Variants in CPA6 observed in about 807,000 individuals in gnomAD.
CPA6 encodes the protein carboxypeptidase A6.
CPA6 carries 58 observed loss-of-function variants against 63.3 expected under a neutral mutation model. The observed-to-expected ratio is 0.92, with a 90% CI of 0.74 to 1.14. CPA6 has a LOEUF of 1.14. Among genes scored for constraint, CPA6 ranks in the 50% most tolerant of loss-of-function variants. The probability of loss-of-function intolerance (pLI) is 0.00; values close to 1 mark genes in which losing one functional copy is unlikely to be tolerated. For synonymous variants in CPA6, 185 were observed against 179.0 expected (o/e 1.03, Z -0.27); for missense variants, 565 against 526.6 (o/e 1.07, Z -0.71).
intron 2 of CPA6, among the ~76,000 whole-genome samples, chr8:67,529,747 T>C (rs1197064923): frequency 6.6e-6 from 1 of 151,726 alleles, no homozygotes; most frequent in African/African-American, 2.4e-5. Context: ...TTGGAGAAAA[T>C]ACCTCCCCTC....
intron 8 of CPA6, among the ~76,000 whole-genome samples, chr8:67,458,075 A>T (rs947478953): frequency 6.6e-6 from 1 of 152,144 alleles, no homozygotes; most frequent in East Asian, 1.9e-4. Context: ...CTAGACACAG[A>T]GCCTACACCC....
At chr8:67,471,508 T>C (rs1279659319) in intron 8 of CPA6, among the ~76,000 whole-genome samples, 1 of 152,080 alleles carries the variant, frequency 6.6e-6, no homozygotes, top group South Asian at 2.1e-4. Flanking sequence ...CTAACATTAG[T>C]GTTGTTTTTT....
At chr8:67,587,290 C>G (rs1421271178) in intron 2 of CPA6, among the ~76,000 whole-genome samples, 2 of 152,086 alleles carry the variant, frequency 1.3e-5, no homozygotes, top group African/African-American at 4.8e-5. Context: ...AATTGACACT[C>G]CTGATGTGAG....
In CPA6 at chr8:67,633,448, A is replaced by G. The variant is rs1340309082; in HGVS notation, c.117-9197T>C. 3.3e-5 allele frequency among the ~76,000 whole-genome samples: 5 copies of G among 152,134 alleles called. No homozygotes were observed. The East Asian group carries it at 9.6e-4, about 29-fold the overall frequency. On this transcript the variant is annotated intron_variant, in intron 1 of 10. Coordinates refer to ENST00000297770, the MANE Select transcript of CPA6 (RefSeq NM_020361.5). ...TGTAATCCCAGCACTTTGGGAGGCC[A>G]AGGCGGGTGGATCACGAGGTCAGGA...
chr8:67,443,696 C>T (rs924377551), intron 8 of CPA6, among the ~76,000 whole-genome samples: 3 of 152,094 alleles, frequency 2.0e-5, no homozygotes, highest in Non-Finnish European at 2.9e-5. Context: ...AGGATTTTAA[C>T]GCATGGTCAA....
At chr8:67,453,198 T>C (rs910003431) in intron 8 of CPA6, among the ~76,000 whole-genome samples, 1 of 152,116 alleles carries the variant, frequency 6.6e-6, no homozygotes, top group Non-Finnish European at 1.5e-5. Context: ...GAGATGATGG[T>C]AACTTAGACT....
chr8:67,654,543 A>C (rs1815936530), intron 1 of CPA6, among the ~76,000 whole-genome samples: 1 of 152,126 alleles, frequency 6.6e-6, no homozygotes, highest in East Asian at 1.9e-4. Context: ...AGGTGTTTGT[A>C]GTATTCTCTG....
At chr8:67,694,699 G>C (rs1390813620) in intron 1 of CPA6, among the ~76,000 whole-genome samples, 1 of 152,124 alleles carries the variant, frequency 6.6e-6, no homozygotes, top group Admixed American at 6.5e-5. Flanking sequence ...AGAAGACTAG[G>C]GCCTGGTTTC....
chr8:67,511,506 G>C, intron 4 of CPA6, 35 bp downstream of exon 4: 2 of 1,201,466 alleles, frequency 1.7e-6, no homozygotes, highest in East Asian at 4.7e-5. Context: ...AGATGACTCT[G>C]TGAAAAACCA....
chr8:67,521,570 G>A (rs1244482566), intron 2 of CPA6, among the ~76,000 whole-genome samples: 1 of 152,192 alleles, frequency 6.6e-6, no homozygotes, highest in African/African-American at 2.4e-5. Flanking sequence ...ATGAAAAGAA[G>A]GGCTGAGGTT....
intron 1 of CPA6, among the ~76,000 whole-genome samples, chr8:67,703,401 G>A (rs1046171885): frequency 1.3e-5 from 2 of 152,130 alleles, no homozygotes; most frequent in Admixed American, 6.5e-5. Flanking sequence ...CTAAGACCAT[G>A]AAATATTTGG....
chr8:67,719,617 C>G (rs1817452681), intron 1 of CPA6, among the ~76,000 whole-genome samples: 1 of 151,956 alleles, frequency 6.6e-6, no homozygotes, highest in Non-Finnish European at 1.5e-5. Context: ...CTGATGTGCA[C>G]AGTCAATTGG....
intron 2 of CPA6, among the ~76,000 whole-genome samples, chr8:67,527,509 A>G (rs1563987206): frequency 6.6e-6 from 1 of 152,186 alleles, no homozygotes; most frequent in Admixed American, 6.5e-5. Flanking sequence ...AATTTTCTTA[A>G]TTACAAATAA....
At chr8:67,560,880 C>A (rs923677035) in intron 2 of CPA6, among the ~76,000 whole-genome samples, 11 of 152,084 alleles carry the variant, frequency 7.2e-5, no homozygotes, top group African/African-American at 2.2e-4. Flanking sequence ...ACATTATAAC[C>A]AAAGCCATTT....
intron 1 of CPA6, among the ~76,000 whole-genome samples, chr8:67,632,506 C>T (rs949813770): frequency 1.3e-4 from 20 of 151,992 alleles, no homozygotes; most frequent in African/African-American, 4.4e-4. Context: ...AGATTTTTTT[C>T]TCAGTATGTT....
Position 67,640,645 on chromosome 8 carries a change from G to C in CPA6, c.117-16394C>G, listed in dbSNP as rs370823397. On this transcript the variant is annotated intron_variant, in intron 1 of 10. Transcript: ENST00000297770. ...CTCCCAGGAGCGCAGGGGTGCCTGG[G>C]TCTCAGCCTCAGCTTGGGAAGCTAT... is the stretch of plus-strand genomic sequence containing the variant. Among the ~76,000 whole-genome samples the C allele has an allele frequency of 2.0e-4, 31 of 151,468 alleles. No homozygotes were observed. In the South Asian group the frequency reaches 3.9e-3, roughly 19 times the overall value.
chr8:67,601,534 CTT>C (rs1814496948), intron 2 of CPA6, among the ~76,000 whole-genome samples: 1 of 152,130 alleles, frequency 6.6e-6, no homozygotes, highest in African/African-American at 2.4e-5. Flanking sequence ...ATGATCCATA[CTT>C]TTAAGCACTT....
At chr8:67,639,993 G>A (rs1438694596) in intron 1 of CPA6, among the ~76,000 whole-genome samples, 1 of 151,396 alleles carries the variant, frequency 6.6e-6, no homozygotes, top group African/African-American at 2.5e-5. Context: ...TCAGCAGAGA[G>A]GAGACCCTGG....
chr8:67,487,300 G>T (rs1563972914), intron 6 of CPA6, among the ~76,000 whole-genome samples: 2 of 152,244 alleles, frequency 1.3e-5, no homozygotes, highest in South Asian at 2.1e-4. Context: ...AGAACATGTG[G>T]TGTTTGGCTT....
Sources: gnomAD v4.1 joint callset for allele counts (sites outside exome capture counted in the v4.1 genomes callset) on GRCh38, gnomAD v4.1.1 for gene constraint, MANE v1.5 for transcripts, NCBI Gene and HGNC (gene_info 2026-07-23, HGNC 2026-07-21) for gene names.